The following RIMS3 variants were observed in gnomAD, a reference collection of about 807,000 sequenced individuals.
RIMS3 encodes regulating synaptic membrane exocytosis 3.
RIMS3 carries 15 observed loss-of-function variants against 29.2 expected under a neutral mutation model. The observed-to-expected ratio is 0.51, with a 90% CI of 0.34 to 0.79. The LOEUF is 0.79. RIMS3 is among the 30% of genes least tolerant of loss of function. The pLI, the probability that RIMS3 is intolerant of heterozygous loss-of-function variation, is 0.01. For missense variants in RIMS3, 342 were observed against 421.4 expected, an observed-to-expected ratio of 0.81 and a Z score of 1.65; for synonymous variants, 161 against 170.1, an observed-to-expected ratio of 0.95 and a Z score of 0.41.
chr1:40,645,988 G>T (rs901455609), intron 2 of RIMS3, among the ~76,000 whole-genome samples: 1 of 152,184 alleles, frequency 6.6e-6, no homozygotes, highest in Non-Finnish European at 1.5e-5. Flanking sequence ...AAGGTCCTAG[G>T]ACTGACCTTG....
chr1:40,685,172 T>A, the RIMS3 span, among the ~76,000 whole-genome samples: 1 of 151,458 alleles, frequency 6.6e-6, no homozygotes, highest in East Asian at 1.9e-4. Context: ...GAAGATGTGC[T>A]ATGGTAGGAT....
chr1:40,676,358 T>C, the RIMS3 span, among the ~76,000 whole-genome samples: 1 of 152,176 alleles, frequency 6.6e-6, no homozygotes, highest in Non-Finnish European at 1.5e-5. Flanking sequence ...CAGTATTAGT[T>C]ACAGAGTGCC....
chr1:40,630,706 G>T (rs1211490051), intron 5 of RIMS3, among the ~76,000 whole-genome samples: 2 of 152,172 alleles, frequency 1.3e-5, no homozygotes, highest in African/African-American at 4.8e-5. Context: ...GACACCAGGG[G>T]GTACCACACA....
At chr1:40,630,282 C>T (rs868449962) in intron 5 of RIMS3, among the ~76,000 whole-genome samples, 3 of 151,948 alleles carry the variant, frequency 2.0e-5, no homozygotes, top group Non-Finnish European at 4.4e-5. Context: ...ATTATCCAGC[C>T]GGGGCAAGGT....
intron 3 of RIMS3, among the ~76,000 whole-genome samples, chr1:40,639,993 C>A (rs924179588): frequency 6.6e-6 from 1 of 152,142 alleles, no homozygotes; most frequent in South Asian, 2.1e-4. Context: ...CTGCCTGCAG[C>A]CTGTAAAGTC....
In RIMS3 at chr1:40,636,024, C is replaced by A. The variant is rs758997795; in HGVS notation, c.251G>T (p.Arg84Leu). The A allele has an allele frequency of 3.1e-6, 5 of 1,606,680 alleles. No homozygotes were observed. Among genetic ancestry groups the A allele is most frequent in the Non-Finnish European group, 4.2e-6 (5 of 1,179,974 alleles). The change falls in exon 4 of 8, where the codon CGC becomes CTC. Residue 84 changes from arginine to leucine, a missense_variant. By Grantham distance (102) the Arg-to-Leu change is moderately radical. Coordinates refer to ENST00000372684, the MANE Select transcript of RIMS3 (RefSeq NM_014747.3). This position sits in a 1 kb window ranked among gnomAD's most constrained non-coding sequence, Gnocchi z 4.2. Reference sequence around the variant, plus strand: ...CGCGATGCCTGTCTCCGTGCTCCGGCGGATGTTGCTGCGCAGCTTCTTGGT... The same window carrying A: ...CGCGATGCCTGTCTCCGTGCTCCGGAGGATGTTGCTGCGCAGCTTCTTGGT... ...GATKKLRSNI[R>L]RSTETGIAVE...
Position 40,626,732 on chromosome 1 carries a change from G to T in RIMS3, c.715-3C>A. On this transcript the variant is annotated splice_region_variant and splice_polypyrimidine_tract_variant and intron_variant, in intron 7 of 7. Transcript: ENST00000372684. The stretch of plus-strand genomic sequence containing the variant: ...CCATAGTCTCCCCAGACGATCACCT[G>T]CCAGGAGGAAGAGAGGGAGGGAGTG... The T allele has an allele frequency of 6.2e-7, 1 of 1,613,888 alleles. No homozygotes were observed. The highest frequency in any genetic ancestry group is 8.5e-7 in the Non-Finnish European group (1 of 1,179,906).
intron 3 of RIMS3, among the ~76,000 whole-genome samples, chr1:40,637,352 T>C (rs796442347): frequency 1.2e-4 from 19 of 152,104 alleles, no homozygotes; most frequent in African/African-American, 4.6e-4. Context: ...CACTAGTGGA[T>C]GGAAGGGTGG....
At chr1:40,648,911 A>G (rs916031136) in intron 1 of RIMS3, among the ~76,000 whole-genome samples, 2 of 152,224 alleles carry the variant, frequency 1.3e-5, no homozygotes, top group Non-Finnish European at 2.9e-5. Context: ...CAGCACCAGG[A>G]TGGCCCATCG....
the RIMS3 span, chr1:40,691,989 G>A: frequency 3.4e-6 from 1 of 295,924 alleles, no homozygotes; most frequent in Non-Finnish European, 6.7e-6. Context: ...CTGTAGCTCG[G>A]TCCGTCCTGC....
intron 3 of RIMS3, 142 bp downstream of exon 3, chr1:40,641,566 AG>A: frequency 1.3e-6 from 1 of 758,534 alleles, no homozygotes; most frequent in Non-Finnish European, 2.2e-6. Flanking sequence ...TACTGGACCT[AG>A]AACAGCACCT....
the RIMS3 span, among the ~76,000 whole-genome samples, chr1:40,671,582 C>T: frequency 1.3e-5 from 2 of 152,044 alleles, no homozygotes; most frequent in South Asian, 2.1e-4. Context: ...TGGCACCACC[C>T]GACCACTCTG....
chr1:40,633,104 A>G lies in RIMS3; in HGVS notation c.437T>C (p.Ile146Thr), dbSNP rs767368113. 5 of 1,614,140 alleles carry G rather than the reference A, an allele frequency of 3.1e-6. No individual in the cohort carries two copies. Among genetic ancestry groups the G allele is most frequent in the South Asian group, 2.2e-5 (2 of 91,088 alleles). Reference protein sequence around the residue: ...DFLDGLGPAQIVGRQTLATPP... With the variant: ...DFLDGLGPAQTVGRQTLATPP... ...TGTTGCCAGTGTCTGTCGCCCCACA[A>G]TCTGAGCTGGTCCCAGCCCATCCAG... is the stretch of plus-strand genomic sequence containing the variant. Residue 146 changes from isoleucine to threonine, a missense_variant, in exon 5 of 8, where the codon ATT becomes ACT. By Grantham distance (89) the Ile-to-Thr change is moderately conservative (BLOSUM62 -1). Transcript: ENST00000372684.
chr1:40,656,756 C>T (rs1163240122), intron 1 of RIMS3, among the ~76,000 whole-genome samples: 1 of 145,122 alleles, frequency 6.9e-6, no homozygotes, highest in Non-Finnish European at 1.5e-5. Context: ...GCACTCCAGC[C>T]TGGGCAACAA....
Position 40,623,093 on chromosome 1 carries a change from C to T in RIMS3, c.*3424G>A, listed in dbSNP as rs1646432633. On this transcript the variant is annotated 3_prime_UTR_variant, in exon 8 of 8. Coordinates refer to ENST00000372684, the MANE Select transcript of RIMS3 (RefSeq NM_014747.3). Reference sequence around the variant, plus strand: ...CTCAGTGTTCTAACCGGCAGTGATTCCACAGAGGATGAGCTCTATGGGTGG... The same window carrying T: ...CTCAGTGTTCTAACCGGCAGTGATTTCACAGAGGATGAGCTCTATGGGTGG... 1 of 267,022 alleles carries T rather than the reference C, an allele frequency of 3.7e-6. No individual in the cohort carries two copies. The highest frequency in any genetic ancestry group is 6.5e-5 in the East Asian group (1 of 15,300). The allele number at this position is 267,022 out of a possible 1,614,324, so 16.5% of individuals were successfully genotyped here. A position where few individuals can be genotyped will look rare whatever the true frequency, so the allele number is the denominator to read the frequency against.
Position 40,623,268 on chromosome 1 carries a change from A to G in RIMS3, c.*3249T>C. ...CAGATGGGGAGTCATTTTGGAGATG[A>G]TTCTTCCCTGAAGGATCAAGTTCCC... On this transcript the variant is annotated 3_prime_UTR_variant, in exon 8 of 8. Transcript: ENST00000372684. The G allele has an allele frequency of 2.5e-6, 1 of 397,328 alleles. No individual in the cohort carries two copies. Among genetic ancestry groups the G allele is most frequent in the Non-Finnish European group, 4.4e-6 (1 of 225,772 alleles). 24.6% of individuals were successfully genotyped at this position (397,328 alleles called of 1,614,324 possible).
At chr1:40,663,556 A>G (rs1642382782) in intron 1 of RIMS3, among the ~76,000 whole-genome samples, 1 of 152,134 alleles carries the variant, frequency 6.6e-6, no homozygotes, top group African/African-American at 2.4e-5. Context: ...GCCAGCTGCT[A>G]CTGCAGCTGC....
chr1:40,633,027 G>C lies in RIMS3; in HGVS notation c.472+42C>G, dbSNP rs190403126. ...ACTGAGCTCACCCTTCCTGTCGCAT[G>C]GTCACCATTACCCCACTCAACCTGC... is the stretch of plus-strand genomic sequence containing the variant. On this transcript the variant is annotated intron_variant, in intron 5 of 7. Transcript: ENST00000372684. 1.5e-3 allele frequency: 2,317 copies of C among 1,500,882 alleles called. 8 individuals are homozygous for C. The highest frequency in any genetic ancestry group is 6.8e-3 in the Middle Eastern group (40 of 5,852). 93.0% of individuals were successfully genotyped at this position (1,500,882 alleles called of 1,614,324 possible). A position where few individuals can be genotyped will look rare whatever the true frequency, so the allele number is the denominator to read the frequency against.
rs1430061725 is a variant in RIMS3, at chr1:40,623,812, A to C, written c.*2705T>G. 2 of 329,420 alleles carry C rather than the reference A, an allele frequency of 6.1e-6. No individual in the cohort carries two copies. Among genetic ancestry groups the C allele is most frequent in the Non-Finnish European group, 1.1e-5 (2 of 182,488 alleles). The allele number at this position is 329,420 out of a possible 1,614,324, so 20.4% of individuals were successfully genotyped here. On this transcript the variant is annotated 3_prime_UTR_variant, in exon 8 of 8. Coordinates refer to ENST00000372684, the MANE Select transcript of RIMS3 (RefSeq NM_014747.3). ...CCATGATGCTGAGAAACAGACCCTT[A>C]AGTGCAGCCACACTGCATCACACAG...
Sources: gnomAD v4.1 joint callset for allele counts (sites outside exome capture counted in the v4.1 genomes callset) on GRCh38, gnomAD v4.1.1 for gene constraint, Gnocchi (gnomAD v3.1) non-coding constraint, MANE v1.5 for transcripts, NCBI Gene and HGNC (gene_info 2026-07-23, HGNC 2026-07-21) for gene names.